Variants in ADAMTS12 observed in about 807,000 individuals in gnomAD.
ADAMTS12 encodes A disintegrin and metalloproteinase with thrombospondin motifs 12.
Under a neutral mutation model 167.8 loss-of-function variants are expected in ADAMTS12, and 118 were observed. The observed-to-expected ratio is 0.70, with a 90% CI of 0.61 to 0.82. The LOEUF (loss-of-function observed/expected upper bound fraction) is 0.82, where lower values mean the gene tolerates loss of function less well. Among genes scored for constraint, ADAMTS12 ranks in the 40% least tolerant of loss-of-function variants. The probability of loss-of-function intolerance (pLI) is 0.00; values close to 1 mark genes in which losing one functional copy is unlikely to be tolerated. For missense variants in ADAMTS12, 1,916 were observed against 1,998.8 expected (o/e 0.96, Z 0.79); for synonymous variants, 704 against 716.9 (o/e 0.98, Z 0.29).
intron 11 of ADAMTS12, among the ~76,000 whole-genome samples, chr5:33,639,852 C>T (rs371762203): frequency 6.6e-6 from 1 of 152,182 alleles, no homozygotes; most frequent in African/African-American, 2.4e-5. Context: ...CTCAATGTGG[C>T]CTGAGTAAGC....
chr5:33,679,200 C>A (rs1456758145), intron 5 of ADAMTS12, among the ~76,000 whole-genome samples: 1 of 152,196 alleles, frequency 6.6e-6, no homozygotes, highest in Admixed American at 6.5e-5. Flanking sequence ...AGTGATATGT[C>A]CACTGCCTCT....
intron 23 of ADAMTS12, among the ~76,000 whole-genome samples, chr5:33,533,734 C>G (rs1333551781): frequency 6.6e-6 from 1 of 152,194 alleles, no homozygotes; most frequent in East Asian, 1.9e-4. Context: ...AGATCTCTCT[C>G]CTGGCCTCCA....
Position 33,891,904 on chromosome 5 carries a change from G to A in ADAMTS12, c.-48C>T, listed in dbSNP as rs1426953839. On this transcript the variant is annotated 5_prime_UTR_variant, in exon 1 of 24. Coordinates refer to ENST00000504830, the MANE Select transcript of ADAMTS12 (RefSeq NM_030955.4). Reference sequence around the variant, plus strand: ...AAAGTCAAAAAAGTTTTAGCCCTCAGCTCCAGAAATAAAGCGCTCGCCTGT... The same window carrying A: ...AAAGTCAAAAAAGTTTTAGCCCTCAACTCCAGAAATAAAGCGCTCGCCTGT... The A allele has an allele frequency of 6.3e-7, 1 of 1,597,138 alleles. No homozygotes were observed. Among genetic ancestry groups the A allele is most frequent in the Non-Finnish European group, 8.5e-7 (1 of 1,172,336 alleles).
chr5:33,732,270 C>T (rs1164835314), intron 3 of ADAMTS12, among the ~76,000 whole-genome samples: 6 of 152,066 alleles, frequency 3.9e-5, no homozygotes, highest in Admixed American at 3.3e-4. Flanking sequence ...ATTTATCTGA[C>T]ACTAGAATGG....
chr5:33,585,457 T>C lies in ADAMTS12; in HGVS notation c.2865+3142A>G, dbSNP rs1369136668. Among the ~76,000 whole-genome samples the C allele has an allele frequency of 3.9e-5, 6 of 152,238 alleles. No homozygotes were observed. The South Asian group carries it at 6.2e-4, about 16-fold the overall frequency. ...CTGAAATGCCTTTGGAAAGGAAAACTGTATAAACAAACACACACATCCTGG... is the reference window on the plus strand; with the variant it reads ...CTGAAATGCCTTTGGAAAGGAAAACCGTATAAACAAACACACACATCCTGG... On this transcript the variant is annotated intron_variant, in intron 18 of 23. Transcript: ENST00000504830.
At chr5:33,860,743 A>G (rs147128686) in intron 2 of ADAMTS12, among the ~76,000 whole-genome samples, 43 of 152,334 alleles carry the variant, frequency 2.8e-4, no homozygotes, top group African/African-American at 9.1e-4. Context: ...TGAAGTTTCA[A>G]TCTTCATTTT....
rs554251012 is a variant in ADAMTS12 at position 33,616,926 on chromosome 5, A to G, written c.2144-854T>C. Reference sequence around the variant, plus strand: ...TGCCAAGCTCTATGCTAAACATTTTATGCATTCACTTTCTTTATGATTCTT... The same window carrying G: ...TGCCAAGCTCTATGCTAAACATTTTGTGCATTCACTTTCTTTATGATTCTT... On this transcript the variant is annotated intron_variant, in intron 14 of 23. Transcript: ENST00000504830. Among the ~76,000 whole-genome samples the G allele has an allele frequency of 2.6e-5, 4 of 152,332 alleles. No homozygotes were observed. In the South Asian group the frequency reaches 8.3e-4, roughly 32 times the overall value.
intron 2 of ADAMTS12, 134 bp from the exon 3 acceptor site, chr5:33,751,682 T>C: frequency 1.3e-6 from 1 of 784,556 alleles, no homozygotes; most frequent in African/African-American, 1.7e-5. Context: ...TGCTGTTCGA[T>C]CTCATAGAAG....
At chr5:33,845,720 G>A (rs1457865245) in intron 2 of ADAMTS12, among the ~76,000 whole-genome samples, 1 of 152,174 alleles carries the variant, frequency 6.6e-6, no homozygotes, top group Non-Finnish European at 1.5e-5. Context: ...AAAATGAGTA[G>A]CAGAAATGAG....
intron 2 of ADAMTS12, among the ~76,000 whole-genome samples, chr5:33,835,907 A>ATCTTCTCTC (rs1748488492): frequency 8.9e-6 from 1 of 111,800 alleles, no homozygotes; most frequent in African/African-American, 4.4e-5. Context: ...GATAATATCC[A>ATCTTCTCTC]TCTCTCTCTC....
intron 3 of ADAMTS12, among the ~76,000 whole-genome samples, chr5:33,709,104 G>T (rs1743298125): frequency 6.6e-6 from 1 of 152,078 alleles, no homozygotes; most frequent in African/African-American, 2.4e-5. Flanking sequence ...ATGAAAAAAA[G>T]CTCAACATCA....
intron 3 of ADAMTS12, among the ~76,000 whole-genome samples, chr5:33,701,759 C>T (rs1012885685): frequency 6.6e-6 from 1 of 152,268 alleles, no homozygotes; most frequent in African/African-American, 2.4e-5. Context: ...GGTGGACCCT[C>T]GTCTCCCAAG....
intron 2 of ADAMTS12, among the ~76,000 whole-genome samples, chr5:33,826,972 T>C (rs1372153627): frequency 6.6e-6 from 1 of 151,904 alleles, no homozygotes; most frequent in African/African-American, 2.4e-5. Context: ...ACTTTATGAA[T>C]ACTAAAATTT....
rs549091806 is a variant in ADAMTS12 at position 33,628,106 on chromosome 5, A to G, written c.2022+2674T>C. 2.6e-5 allele frequency among the ~76,000 whole-genome samples: 4 copies of G among 152,274 alleles called. No individual in the cohort carries two copies. The East Asian group carries it at 7.7e-4, about 29-fold the overall frequency. On this transcript the variant is annotated intron_variant, in intron 13 of 23. Transcript: ENST00000504830. ...GAGAAAGTTAGGGAGCAGCTGATGGATAGACCAGGGCATCTGGTCTATTTT... is the reference window on the plus strand; with the variant it reads ...GAGAAAGTTAGGGAGCAGCTGATGGGTAGACCAGGGCATCTGGTCTATTTT...
At chr5:33,696,290 G>A (rs12697295) in intron 3 of ADAMTS12, among the ~76,000 whole-genome samples, 33,749 of 149,752 alleles carry the variant, frequency 0.23, 3,990 homozygotes, top group East Asian at 0.42. Flanking sequence ...GCACGGTGGC[G>A]GGCGCCTGTA....
At position 33,595,974 on chromosome 5, in the gene ADAMTS12, C is replaced by G. The variant is rs774213918; in HGVS notation, c.2614G>C (p.Gly872Arg). ...TFCDPETQPN[G>R]RQKKCHEKAC... is the part of the protein sequence containing the mutation. ...TTTTCATGGCACTTCTTCTGTCTCC[C>G]ATTGGGCTGTGTTTCTGGGTCACAG... Residue 872 changes from glycine (G) to arginine (R), a missense_variant, in exon 17 of 24, where the codon GGG becomes CGG. Coordinates refer to ENST00000504830, the MANE Select transcript of ADAMTS12 (RefSeq NM_030955.4). 7 of 1,614,132 alleles carry G rather than the reference C, an allele frequency of 4.3e-6. No individual in the cohort carries two copies. The highest frequency in any genetic ancestry group is 5.9e-6 in the Non-Finnish European group (7 of 1,179,982).
At chr5:33,728,953 T>C (rs1383947619) in intron 3 of ADAMTS12, among the ~76,000 whole-genome samples, 2 of 152,222 alleles carry the variant, frequency 1.3e-5, no homozygotes, top group Non-Finnish European at 2.9e-5. Flanking sequence ...ATCATATGCA[T>C]ATATGTGTAT....
At chr5:33,762,311 A>T (rs545249435) in intron 2 of ADAMTS12, among the ~76,000 whole-genome samples, 1 of 152,206 alleles carries the variant, frequency 6.6e-6, no homozygotes, top group Admixed American at 6.5e-5. Flanking sequence ...GATCGAGACC[A>T]TCCTGGCTAA....
intron 15 of ADAMTS12, among the ~76,000 whole-genome samples, chr5:33,614,894 T>A (rs772804919): frequency 2.6e-4 from 39 of 152,128 alleles, no homozygotes; most frequent in Admixed American, 3.9e-4. Flanking sequence ...GCTCAGCGAA[T>A]GTTAACTTGT....
Sources: allele counts gnomAD v4.1 joint callset (sites outside exome capture counted in the v4.1 genomes callset), GRCh38; gene constraint gnomAD v4.1.1; transcripts MANE v1.5; gene names NCBI Gene and HGNC (gene_info 2026-07-23, HGNC 2026-07-21).